LRRTM4: variants seen among roughly 807,000 people sequenced by gnomAD.
LRRTM4 encodes leucine-rich repeat transmembrane neuronal protein 4.
LRRTM4 carries 25 observed loss-of-function variants against 47.6 expected under a neutral mutation model. That is an observed-to-expected ratio of 0.53 (90% CI 0.38 to 0.73). The LOEUF is 0.73. Ranked by LOEUF, LRRTM4 falls within the 30% of genes least tolerant of loss-of-function variation. LRRTM4 has a pLI of 0.00. For synonymous variants in LRRTM4, 311 were observed against 269.5 expected (o/e 1.15, Z -1.51); for missense variants, 638 against 713.4 (o/e 0.89, Z 1.20).
At chr2:77,093,914 G>A (rs753952954) in intron 3 of LRRTM4, among the ~76,000 whole-genome samples, 55 of 150,914 alleles carry the variant, frequency 3.6e-4, no homozygotes, top group East Asian at 5.8e-4. Context: ...AGCACCTTGC[G>A]ACCCCCACTC....
At chr2:77,379,969 C>A (rs934039965) in intron 3 of LRRTM4, among the ~76,000 whole-genome samples, 5 of 151,934 alleles carry the variant, frequency 3.3e-5, no homozygotes, top group Admixed American at 2.6e-4. Flanking sequence ...TTGCACATAG[C>A]AAGCAATAAG....
intron 3 of LRRTM4, among the ~76,000 whole-genome samples, chr2:76,797,770 G>T (rs1002730510): frequency 6.6e-6 from 1 of 150,402 alleles, no homozygotes; most frequent in African/African-American, 2.5e-5. Context: ...GATGGGGGAA[G>T]ATCTACCAAG....
rs534936976 is a variant in LRRTM4, at chr2:77,518,177, A to G, written c.1551+141T>C. On this transcript the variant is annotated intron_variant, in intron 3 of 3. Coordinates refer to ENST00000409884, the MANE Select transcript of LRRTM4 (RefSeq NM_001134745.3). ...ATTTCCTGGTGGTTGTAATTTAATT[A>G]AGTAACCTTTCACACTGAGCAAAAC... 6 of 1,280,868 alleles carry G rather than the reference A, an allele frequency of 4.7e-6. No individual in the cohort carries two copies. The African/African-American group carries it at 9.2e-5, about 20-fold the overall frequency. The allele number at this position is 1,280,868 out of a possible 1,614,324, so 79.3% of individuals were successfully genotyped here.
chr2:76,918,193 T>C (rs1003522488), intron 3 of LRRTM4, among the ~76,000 whole-genome samples: 6 of 152,200 alleles, frequency 3.9e-5, no homozygotes, highest in Admixed American at 2.0e-4. Context: ...TATACTTTCA[T>C]GAAAAATGTC....
chr2:77,191,299 T>C (rs1428756743), intron 3 of LRRTM4, among the ~76,000 whole-genome samples: 7 of 152,128 alleles, frequency 4.6e-5, no homozygotes, highest in African/African-American at 1.7e-4. Flanking sequence ...AACAAAATCT[T>C]AAATAAGGCT....
At chr2:77,217,214 C>G (rs1674473262) in intron 3 of LRRTM4, among the ~76,000 whole-genome samples, 1 of 151,046 alleles carries the variant, frequency 6.6e-6, no homozygotes, top group African/African-American at 2.4e-5. Flanking sequence ...TGTTGACAAC[C>G]ATTTTATCCT....
chr2:77,185,553 C>G (rs1673478945), intron 3 of LRRTM4, among the ~76,000 whole-genome samples: 1 of 152,122 alleles, frequency 6.6e-6, no homozygotes, highest in African/African-American at 2.4e-5. Context: ...GGTCACACAG[C>G]AAGCAAGGTC....
chr2:77,147,190 G>A (rs1672281259), intron 3 of LRRTM4, among the ~76,000 whole-genome samples: 1 of 152,056 alleles, frequency 6.6e-6, no homozygotes, highest in South Asian at 2.1e-4. Context: ...CTTATATTTA[G>A]ACCTGCAGTT....
chr2:77,248,349 G>A (rs1675506185), intron 3 of LRRTM4, among the ~76,000 whole-genome samples: 1 of 151,796 alleles, frequency 6.6e-6, no homozygotes, highest in Admixed American at 6.6e-5. Context: ...AACAAAGCAT[G>A]TACAAGATGT....
intron 3 of LRRTM4, among the ~76,000 whole-genome samples, chr2:76,765,320 T>C (rs527609099): frequency 6.6e-6 from 1 of 152,304 alleles, no homozygotes; most frequent in South Asian, 2.1e-4. Flanking sequence ...TTAAGTGATA[T>C]TATTTGAGAG....
chr2:76,748,392 A>G lies in LRRTM4; in HGVS notation c.*303T>C. On this transcript the variant is annotated 3_prime_UTR_variant, in exon 4 of 4. Transcript: ENST00000409884. The stretch of plus-strand genomic sequence containing the variant: ...CAAATATACAAACAAACCTATATGT[A>G]GCTAGGGTGAAATCTATTTTTATAA... The G allele has an allele frequency of 2.8e-6, 1 of 358,126 alleles. No homozygotes were observed. Among genetic ancestry groups the G allele is most frequent in the Non-Finnish European group, 5.2e-6 (1 of 192,444 alleles). 22.2% of individuals were successfully genotyped at this position (358,126 alleles called of 1,614,324 possible).
chr2:77,102,586 A>G (rs1670985728), intron 3 of LRRTM4, among the ~76,000 whole-genome samples: 1 of 152,224 alleles, frequency 6.6e-6, no homozygotes, highest in Non-Finnish European at 1.5e-5. Context: ...TTGATCAAAG[A>G]TATATAATAC....
At chr2:77,212,304 A>AC (rs1289275143) in intron 3 of LRRTM4, among the ~76,000 whole-genome samples, 1 of 151,646 alleles carries the variant, frequency 6.6e-6, no homozygotes, top group Non-Finnish European at 1.5e-5. Context: ...AACTATTACT[A>AC]AATTAATACA....
chr2:77,362,140 A>AGAAG (rs745554757), intron 3 of LRRTM4, among the ~76,000 whole-genome samples: 59 of 148,172 alleles, frequency 4.0e-4, no homozygotes, highest in Non-Finnish European at 5.6e-4. Context: ...AAAGAAAGAA[A>AGAAG]GAAAGAAAGA....
At chr2:77,395,068 G>C (rs1392543932) in intron 3 of LRRTM4, among the ~76,000 whole-genome samples, 1 of 151,890 alleles carries the variant, frequency 6.6e-6, no homozygotes, top group Non-Finnish European at 1.5e-5. Context: ...ATTAACCCTT[G>C]CCTGGCATGG....
At position 77,499,568 on chromosome 2, in the gene LRRTM4, A is replaced by T. The variant is rs1040743310; in HGVS notation, c.1551+18750T>A. ...TAGTTCCTCACTCTATCTTTGCTAAACTGAAATGAACAACATGTGAATCAT... is the reference window on the plus strand; with the variant it reads ...TAGTTCCTCACTCTATCTTTGCTAATCTGAAATGAACAACATGTGAATCAT... On this transcript the variant is annotated intron_variant, in intron 3 of 3. Transcript: ENST00000409884. Among the ~76,000 whole-genome samples the T allele has an allele frequency of 5.3e-5, 8 of 151,952 alleles. No individual in the cohort carries two copies. In the South Asian group the frequency reaches 8.3e-4, roughly 16 times the overall value.
At chr2:76,897,690 C>G (rs772188943) in intron 3 of LRRTM4, among the ~76,000 whole-genome samples, 2 of 152,128 alleles carry the variant, frequency 1.3e-5, no homozygotes, top group Non-Finnish European at 2.9e-5. Flanking sequence ...TAGGCAAATA[C>G]TATTTTTTAA....
intron 3 of LRRTM4, among the ~76,000 whole-genome samples, chr2:76,797,287 C>T (rs1232294691): frequency 6.6e-6 from 1 of 151,992 alleles, no homozygotes; most frequent in African/African-American, 2.4e-5. Flanking sequence ...CCCTACAAGC[C>T]AGAAGAGAGT....
intron 3 of LRRTM4, among the ~76,000 whole-genome samples, chr2:77,469,591 C>A (rs531063257): frequency 1.3e-5 from 2 of 152,064 alleles, no homozygotes; most frequent in South Asian, 4.2e-4. Flanking sequence ...AGAATAAAGG[C>A]CCTAATTTTG....
Sources: allele counts gnomAD v4.1 joint callset (sites outside exome capture counted in the v4.1 genomes callset), GRCh38; gene constraint gnomAD v4.1.1; transcripts MANE v1.5; gene names NCBI Gene and HGNC (gene_info 2026-07-23, HGNC 2026-07-21).